Variants in TPCN1 observed in about 807,000 individuals in gnomAD.
The protein encoded by TPCN1 is two pore segment channel 1.
A neutral mutation model predicts 108.8 loss-of-function variants in TPCN1; 52 were observed. The ratio of observed to expected loss-of-function variants is 0.48; its 90% CI spans 0.38 to 0.60. The LOEUF is 0.60. Among genes scored for constraint, TPCN1 ranks in the 20% least tolerant of loss-of-function variants. TPCN1 has a pLI of 0.00. For missense variants in TPCN1, 806 were observed against 1,072.8 expected (o/e 0.75, Z 3.47); for synonymous variants, 446 against 433.7 (o/e 1.03, Z -0.35).
rs138802608 is a variant in TPCN1 at position 113,243,736 on chromosome 12, A to G, written c.113-16632A>G. ...GCCACTGCACTCCAGCCTGAGCAAC[A>G]AGAGTGAGACTCCATCTCAAAAATA... On this transcript the variant is annotated intron_variant, in intron 2 of 27. Transcript: ENST00000335509. Among the ~76,000 whole-genome samples the G allele has an allele frequency of 8.5e-5, 13 of 152,328 alleles. No individual in the cohort carries two copies. The East Asian group carries it at 2.5e-3, about 29-fold the overall frequency.
At chr12:113,239,407 T>C (rs1310982387) in intron 2 of TPCN1, among the ~76,000 whole-genome samples, 1 of 152,150 alleles carries the variant, frequency 6.6e-6, no homozygotes. Context: ...GGCTGTTGTT[T>C]TAGGTGCTGA....
In TPCN1 at chr12:113,268,733, C is replaced by T. The variant is rs200217463; in HGVS notation, c.529-9C>T. On this transcript the variant is annotated splice_polypyrimidine_tract_variant and intron_variant, in intron 5 of 27. Coordinates refer to ENST00000335509, the MANE Select transcript of TPCN1 (RefSeq NM_017901.6). This position sits in a 1 kb window ranked among gnomAD's most constrained non-coding sequence, Gnocchi z 7.3. ...GGGGCTGACGGTGCTCCATGCCTGC[C>T]ACCCACAGACCTCGGTGCTGGTGGT... The T allele has an allele frequency of 3.6e-5, 58 of 1,612,970 alleles. No individual in the cohort carries two copies. The highest frequency in any genetic ancestry group is 4.6e-5 in the Non-Finnish European group (54 of 1,179,932).
intron 2 of TPCN1, among the ~76,000 whole-genome samples, chr12:113,244,083 G>A (rs543899804): frequency 1.4e-4 from 21 of 152,280 alleles, no homozygotes; most frequent in African/African-American, 5.1e-4. Flanking sequence ...GGCTCCCTGG[G>A]CCTGGCCTCA....
At chr12:113,241,027 G>A (rs995717176) in intron 2 of TPCN1, among the ~76,000 whole-genome samples, 3 of 152,184 alleles carry the variant, frequency 2.0e-5, no homozygotes, top group African/African-American at 7.2e-5. Flanking sequence ...TGGGATAACA[G>A]GCATGAGCCA....
Position 113,273,682 on chromosome 12 carries a change from C to T in TPCN1, c.942+14C>T. 6.2e-7 allele frequency: 1 copy of T among 1,606,488 alleles called. No homozygotes were observed. The highest frequency in any genetic ancestry group is 1.1e-5 in the South Asian group (1 of 90,950). On this transcript the variant is annotated intron_variant, in intron 10 of 27. Coordinates refer to ENST00000335509, the MANE Select transcript of TPCN1 (RefSeq NM_017901.6). The surrounding 1 kb of genome is among the most constrained non-coding windows in gnomAD (Gnocchi z 4.0). ...ATCATGAACCTGGTGAGTGACTATG[C>T]CTCAGGCTACGCTGAAGCAGCCTGC... is the stretch of plus-strand genomic sequence containing the variant.
intron 14 of TPCN1, among the ~76,000 whole-genome samples, chr12:113,279,693 T>C (rs1955824457): frequency 6.6e-6 from 1 of 152,034 alleles, no homozygotes. Flanking sequence ...CGTGAGCCAC[T>C]GCGCCCGACC....
At position 113,289,116 on chromosome 12, in the gene TPCN1, G is replaced by C. The variant is rs969259644; in HGVS notation, c.1796+269G>C. 6.6e-6 allele frequency among the ~76,000 whole-genome samples: 1 copy of C among 152,230 alleles called. No homozygotes were observed. The highest frequency in any genetic ancestry group is 1.5e-5 in the Non-Finnish European group (1 of 68,042). On this transcript the variant is annotated intron_variant, in intron 21 of 27. Coordinates refer to ENST00000335509, the MANE Select transcript of TPCN1 (RefSeq NM_017901.6). The surrounding 1 kb of genome is among the most constrained non-coding windows in gnomAD (Gnocchi z 4.1). ...CTGGAGGCCACCCCCACAGTAGCCT[G>C]GGTCCCAAGGTCAAGTCCCATGGCT...
Position 113,289,954 on chromosome 12 carries a change from A to G in TPCN1, c.1797-174A>G. ...CCAGCAGGCAGGAATAGCCAAGGGC[A>G]TTCCTTCAGCAGGGACCCAGGCATG... On this transcript the variant is annotated intron_variant, in intron 21 of 27. Transcript: ENST00000335509. This position sits in a 1 kb window ranked among gnomAD's most constrained non-coding sequence, Gnocchi z 4.1. 1 of 555,422 alleles carries G rather than the reference A, an allele frequency of 1.8e-6. No individual in the cohort carries two copies. The highest frequency in any genetic ancestry group is 3.3e-5 in the Admixed American group (1 of 30,630). The allele number at this position is 555,422 out of a possible 1,614,324, so 34.4% of individuals were successfully genotyped here.
chr12:113,280,059 C>T (rs1356378702), intron 14 of TPCN1, 92 bp from the exon 15 acceptor site: 2 of 1,007,306 alleles, frequency 2.0e-6, no homozygotes, highest in Non-Finnish European at 1.6e-6. Context: ...TAGGTGGTTG[C>T]ACCTGCCCAG....
At chr12:113,245,588 A>G (rs541998791) in intron 2 of TPCN1, among the ~76,000 whole-genome samples, 8 of 119,518 alleles carry the variant, frequency 6.7e-5, no homozygotes, top group African/African-American at 2.1e-4. Flanking sequence ...GCGACAGAGC[A>G]AGACTCCGTC....
In TPCN1 at chr12:113,285,869, T is replaced by A. The variant is rs187507465; in HGVS notation, c.1454-20T>A. On this transcript the variant is annotated intron_variant, in intron 17 of 27. Coordinates refer to ENST00000335509, the MANE Select transcript of TPCN1 (RefSeq NM_017901.6). ...GAGGATGTGGCGGGGCTGCTGCCGA[T>A]GGATTCCTTCTGTCCACAGTCTATG... 2.5e-6 allele frequency: 4 copies of A among 1,612,468 alleles called. No homozygotes were observed. The highest frequency in any genetic ancestry group is 1.1e-5 in the South Asian group (1 of 91,024).
chr12:113,270,667 G>A (rs1394832979), intron 7 of TPCN1, among the ~76,000 whole-genome samples: 1 of 152,102 alleles, frequency 6.6e-6, no homozygotes, highest in Non-Finnish European at 1.5e-5. Flanking sequence ...TTTTAGTAGA[G>A]ATGGGGTTTC....
Position 113,288,990 on chromosome 12 carries a change from A to C in TPCN1, c.1796+143A>C. 1.3e-6 allele frequency: 1 copy of C among 767,010 alleles called. No homozygotes were observed. The highest frequency in any genetic ancestry group is 2.2e-6 in the Non-Finnish European group (1 of 459,602). 47.5% of individuals were successfully genotyped at this position (767,010 alleles called of 1,614,324 possible). ...CCACCTTGCTTTGCTTTCAGGGCTT[A>C]GTTGAGTGCAGTGAGCTAAATGAGG... On this transcript the variant is annotated intron_variant, in intron 21 of 27. Coordinates refer to ENST00000335509, the MANE Select transcript of TPCN1 (RefSeq NM_017901.6). This position sits in a 1 kb window ranked among gnomAD's most constrained non-coding sequence, Gnocchi z 4.8.
intron 2 of TPCN1, among the ~76,000 whole-genome samples, chr12:113,243,292 C>T (rs140424021): frequency 2.6e-5 from 4 of 152,274 alleles, no homozygotes; most frequent in Admixed American, 6.5e-5. Context: ...ATCACTTGAA[C>T]CCGGGAGATG....
Position 113,272,786 on chromosome 12 carries a change from G to C in TPCN1, c.783+94G>C, listed in dbSNP as rs769607969. ...CGTGACCCTGTGGCCATATGGGGAAGGGGGGGCCTGCCTGGTTTCTCATCA... is the reference window on the plus strand; with the variant it reads ...CGTGACCCTGTGGCCATATGGGGAACGGGGGGCCTGCCTGGTTTCTCATCA... On this transcript the variant is annotated intron_variant, in intron 8 of 27. Coordinates refer to ENST00000335509, the MANE Select transcript of TPCN1 (RefSeq NM_017901.6). This position sits in a 1 kb window ranked among gnomAD's most constrained non-coding sequence, Gnocchi z 4.1. 332 of 1,255,146 alleles carry C rather than the reference G, an allele frequency of 2.6e-4. No homozygotes were observed. The highest frequency in any genetic ancestry group is 3.7e-4 in the Non-Finnish European group (320 of 855,068). 77.8% of individuals were successfully genotyped at this position (1,255,146 alleles called of 1,614,324 possible).
chr12:113,251,185 C>A (rs1954617994), intron 2 of TPCN1, among the ~76,000 whole-genome samples: 1 of 152,054 alleles, frequency 6.6e-6, no homozygotes, highest in Non-Finnish European at 1.5e-5. Context: ...CCTATAGTCC[C>A]AGCTACTCTG....
rs780733364 is a variant in TPCN1, at chr12:113,293,688, C to T, written c.2334+339C>T. 1.3e-4 allele frequency among the ~76,000 whole-genome samples: 20 copies of T among 152,156 alleles called. 1 individual carries two copies. Among genetic ancestry groups the T allele is most frequent in the Admixed American group, 3.9e-4 (6 of 15,270 alleles). ...AACACAGTGAGCAAAGAGGAAAGAG[C>T]GGCGACCGTGGTGAACTGGCAAGGA... On this transcript the variant is annotated intron_variant, in intron 27 of 27. Transcript: ENST00000335509.
intron 2 of TPCN1, among the ~76,000 whole-genome samples, chr12:113,241,793 T>TGTGTGTGC (rs776600301): frequency 4.2e-4 from 63 of 150,536 alleles, no homozygotes; most frequent in Middle Eastern, 3.4e-3. Context: ...TGTGTGTGTG[T>TGTGTGTGC]GCGTGTGTGT....
rs201551175 is a variant in TPCN1, at chr12:113,276,983, T to C, written c.1007T>C (p.Leu336Pro). 2 of 1,614,110 alleles carry C rather than the reference T, an allele frequency of 1.2e-6. No individual in the cohort carries two copies. The highest frequency in any genetic ancestry group is 1.3e-5 in the African/African-American group (1 of 75,048). ...AAACGCAAGTTCAAGTCTTTGCTAC[T>C]GCACAAGCGAACCGCTATCCAGCAT... ...IEKRKFKSLL[L>P]HKRTAIQHAY... The change falls in exon 11 of 28, where the codon CTG becomes CCG. Residue 336 changes from leucine (L) to proline (P), a missense_variant. Coordinates refer to ENST00000335509, the MANE Select transcript of TPCN1 (RefSeq NM_017901.6).
Sources: allele counts gnomAD v4.1 joint callset (sites outside exome capture counted in the v4.1 genomes callset), GRCh38; gene constraint gnomAD v4.1.1; non-coding constraint Gnocchi (gnomAD v3.1); transcripts MANE v1.5; gene names NCBI Gene and HGNC (gene_info 2026-07-23, HGNC 2026-07-21).